Variants in CACNA2D2 observed in about 807,000 individuals in gnomAD.
The protein encoded by CACNA2D2 is calcium voltage-gated channel auxiliary subunit alpha2delta 2.
Under a neutral mutation model 166.4 loss-of-function variants are expected in CACNA2D2, and 48 were observed. That is an observed-to-expected ratio of 0.29 (90% confidence interval 0.23 to 0.37). The LOEUF is 0.37. Among genes scored for constraint, CACNA2D2 ranks in the 10% least tolerant of loss-of-function variants. CACNA2D2 has a pLI of 1.00. For synonymous variants in CACNA2D2, 561 were observed against 573.7 expected (o/e 0.98, Z 0.32); for missense variants, 1,122 against 1,433.0 (o/e 0.78, Z 3.50).
intron 3 of CACNA2D2, among the ~76,000 whole-genome samples, chr3:50,405,588 G>A (rs925008991): frequency 6.6e-6 from 1 of 152,194 alleles, no homozygotes; most frequent in Non-Finnish European, 1.5e-5. Flanking sequence ...TGACAGAAAC[G>A]GTAGGTCTGC....
chr3:50,394,478 T>C (rs966017280), intron 3 of CACNA2D2, among the ~76,000 whole-genome samples: 1 of 152,218 alleles, frequency 6.6e-6, no homozygotes, highest in Non-Finnish European at 1.5e-5. Context: ...GACACACTTG[T>C]GTCACCCCAG....
chr3:50,443,875 C>T (rs1379573731), intron 2 of CACNA2D2, among the ~76,000 whole-genome samples: 1 of 152,216 alleles, frequency 6.6e-6, no homozygotes, highest in African/African-American at 2.4e-5. Context: ...CTCCAGTGGA[C>T]CCTTGGTGGG....
intron 1 of CACNA2D2, among the ~76,000 whole-genome samples, chr3:50,486,006 C>G (rs954505334): frequency 2.0e-5 from 3 of 152,050 alleles, no homozygotes; most frequent in African/African-American, 7.2e-5. Context: ...TTGGGGTCTG[C>G]GACACCTCCT....
chr3:50,365,456 C>T lies in CACNA2D2; in HGVS notation c.2998G>A (p.Glu1000Lys). The T allele has an allele frequency of 6.2e-7, 1 of 1,613,556 alleles. No individual in the cohort carries two copies. Among genetic ancestry groups the T allele is most frequent in the Non-Finnish European group, 8.5e-7 (1 of 1,179,896 alleles). ...ADPAEAEGSP[E>K]TRESSCVMKQ... is the part of the protein sequence containing the mutation. ...ATGACGCAGCTGCTCTCGCGCGTCTCGGGGCTCCCCTCGGCCTCCGCGGGG... is the reference window on the plus strand; with the variant it reads ...ATGACGCAGCTGCTCTCGCGCGTCTTGGGGCTCCCCTCGGCCTCCGCGGGG... Residue 1000 changes from glutamate (E) to lysine (K), a missense_variant, in exon 35 of 38, where the codon GAG becomes AAG. Around this residue, in one of 2 missense-constraint regions of CACNA2D2, gnomAD observed 282 missense variants for 266.2 expected, o/e 1.06. Transcript: ENST00000424201. The surrounding 1 kb of genome is among the most constrained non-coding windows in gnomAD (Gnocchi z 4.5).
In CACNA2D2 at chr3:50,363,466, CTGTGTGTGTG is replaced by C. The variant is rs10575478; in HGVS notation, c.*1190_*1199del. On this transcript the variant is annotated 3_prime_UTR_variant, in exon 38 of 38. Coordinates refer to ENST00000424201, the MANE Select transcript of CACNA2D2 (RefSeq NM_006030.4). ...GTGAAGAGCTGTGCCCAGTCCCCAC[CTGTGTGTGTG>C]TGTGTGTGTGTGTGTTCAGCAAGGG... The C allele has an allele frequency of 1.1e-4, 40 of 352,960 alleles. No homozygotes were observed. The highest frequency in any genetic ancestry group is 6.8e-4 in the Admixed American group (11 of 16,108). 21.9% of individuals were successfully genotyped at this position (352,960 alleles called of 1,614,324 possible). A position where few individuals can be genotyped will look rare whatever the true frequency, so the allele number is the denominator to read the frequency against.
chr3:50,420,300 C>A (rs924597599), intron 3 of CACNA2D2, among the ~76,000 whole-genome samples: 1 of 152,206 alleles, frequency 6.6e-6, no homozygotes, highest in Non-Finnish European at 1.5e-5. Context: ...CGGCTGGGGT[C>A]CATCAATGTG....
chr3:50,409,915 A>G (rs948705388), intron 3 of CACNA2D2, among the ~76,000 whole-genome samples: 4 of 152,196 alleles, frequency 2.6e-5, no homozygotes, highest in Admixed American at 6.5e-5. Flanking sequence ...CCACGATCTC[A>G]GGGCACTTGT....
rs758637745 is a variant in CACNA2D2 at position 50,427,441 on chromosome 3, A to C, written c.405+6872T>G. On this transcript the variant is annotated intron_variant, in intron 3 of 37. Coordinates refer to ENST00000424201, the MANE Select transcript of CACNA2D2 (RefSeq NM_006030.4). This position sits in a 1 kb window ranked among gnomAD's most constrained non-coding sequence, Gnocchi z 4.7. ...GAGAATAATCAGCTGTAAACGCCGC[A>C]ATCAGGGAGAAAAGGCTGCTTGGGC... 6.6e-6 allele frequency among the ~76,000 whole-genome samples: 1 copy of C among 152,362 alleles called. No individual in the cohort carries two copies. Among genetic ancestry groups the C allele is most frequent in the South Asian group, 2.1e-4 (1 of 4,834 alleles).
At chr3:50,503,168 G>A in intron 1 of CACNA2D2, 50 bp downstream of exon 1, 2 of 1,104,602 alleles carry the variant, frequency 1.8e-6, no homozygotes, top group South Asian at 8.9e-5. Flanking sequence ...CGGGGGCAGA[G>A]CGGGGCGCAA....
rs1199338450 is a variant in CACNA2D2, at chr3:50,427,584, T to G, written c.405+6729A>C. ...CATAATGGAGGGGAGGCAGAAGCCA[T>G]CGCCAGCCCCACATAAACACCTTTT... On this transcript the variant is annotated intron_variant, in intron 3 of 37. Transcript: ENST00000424201. The surrounding 1 kb of genome is among the most constrained non-coding windows in gnomAD (Gnocchi z 4.7). Among the ~76,000 whole-genome samples, 1 of 152,162 alleles carries G rather than the reference T, an allele frequency of 6.6e-6. No homozygotes were observed. Among genetic ancestry groups the G allele is most frequent in the Non-Finnish European group, 1.5e-5 (1 of 68,020 alleles).
chr3:50,497,967 G>C (rs1268524113), intron 1 of CACNA2D2, among the ~76,000 whole-genome samples: 19 of 152,214 alleles, frequency 1.2e-4, no homozygotes, highest in Admixed American at 1.2e-3. Context: ...AATCTTCCCA[G>C]TTGGCTGGAG....
chr3:50,502,783 T>C (rs1699034036), intron 1 of CACNA2D2, among the ~76,000 whole-genome samples: 1 of 152,226 alleles, frequency 6.6e-6, no homozygotes, highest in Non-Finnish European at 1.5e-5. Context: ...CACCTCTGGC[T>C]GTAAAGCGCC....
At chr3:50,498,483 C>G (rs1698815470) in intron 1 of CACNA2D2, among the ~76,000 whole-genome samples, 1 of 152,174 alleles carries the variant, frequency 6.6e-6, no homozygotes, top group South Asian at 2.1e-4. Context: ...CATCTCATCT[C>G]CAGATGAAGC....
chr3:50,467,664 T>G (rs1709879142), intron 2 of CACNA2D2, among the ~76,000 whole-genome samples: 2 of 152,156 alleles, frequency 1.3e-5, no homozygotes, highest in Admixed American at 1.3e-4. Flanking sequence ...GGTCGGTCAC[T>G]TGGTTCCCTG....
intron 3 of CACNA2D2, among the ~76,000 whole-genome samples, chr3:50,401,809 G>C (rs986168511): frequency 6.6e-6 from 1 of 151,974 alleles, no homozygotes; most frequent in African/African-American, 2.4e-5. Flanking sequence ...CCTGGGTTCA[G>C]GCGATTCTCC....
intron 3 of CACNA2D2, among the ~76,000 whole-genome samples, chr3:50,400,209 G>T (rs189034843): frequency 1.1e-4 from 17 of 152,328 alleles, no homozygotes; most frequent in East Asian, 7.7e-4. Context: ...GCTCTGCCAG[G>T]GGGGAGCTGG....
At position 50,366,287 on chromosome 3, in the gene CACNA2D2, G is replaced by C. The variant is rs917405349; in HGVS notation, c.2689C>G (p.Gln897Glu). The stretch of plus-strand genomic sequence containing the variant: ...CTCACCTGGTCCCACTGATGGTTCT[G>C]GTTTGACAGCACCAGGAATCCTCCA... Reference protein sequence around the residue: ...DDGGFLVLSNQNHQWDQVGRF... With the variant: ...DDGGFLVLSNENHQWDQVGRF... Residue 897 changes from glutamine to glutamate, a missense_variant, in exon 31 of 38, where the codon CAG becomes GAG. By Grantham distance (29) the Gln-to-Glu change is conservative. This residue lies in a region of CACNA2D2 where 840 missense variants were observed against 1,166.8 expected (regional missense o/e 0.72). Coordinates refer to ENST00000424201, the MANE Select transcript of CACNA2D2 (RefSeq NM_006030.4). This position sits in a 1 kb window ranked among gnomAD's most constrained non-coding sequence, Gnocchi z 5.9. 6.2e-7 allele frequency: 1 copy of C among 1,614,092 alleles called. No homozygotes were observed. Among genetic ancestry groups the C allele is most frequent in the African/African-American group, 1.3e-5 (1 of 75,036 alleles).
intron 21 of CACNA2D2, 86 bp from the exon 22 acceptor site, chr3:50,374,899 G>GC (rs1276573040): frequency 1.9e-6 from 2 of 1,075,826 alleles, no homozygotes; most frequent in Non-Finnish European, 2.8e-6. Context: ...CTGGGCAGAG[G>GC]CCCCAGCTGC....
At chr3:50,390,400 G>A (rs779635079) in intron 4 of CACNA2D2, among the ~76,000 whole-genome samples, 8 of 152,152 alleles carry the variant, frequency 5.3e-5, no homozygotes, top group Non-Finnish European at 1.0e-4. Flanking sequence ...TCCTCTGAGG[G>A]TATGAAGAGA....
Sources: gnomAD v4.1 joint callset for allele counts (sites outside exome capture counted in the v4.1 genomes callset) on GRCh38, gnomAD v4.1.1 for gene constraint, gnomAD v4.1.1 regional missense constraint, Gnocchi (gnomAD v3.1) non-coding constraint, MANE v1.5 for transcripts, NCBI Gene and HGNC (gene_info 2026-07-23, HGNC 2026-07-21) for gene names.